The following NAV3 variants were observed in gnomAD, a reference collection of about 807,000 sequenced individuals.
NAV3 encodes the protein pore membrane and/or filament interacting like protein 1.
A neutral mutation model predicts 244.7 loss-of-function variants in NAV3; 87 were observed. The observed-to-expected ratio is 0.36, with a 90% CI of 0.30 to 0.42. NAV3 has a LOEUF of 0.42. NAV3 is among the 20% of genes least tolerant of loss of function. NAV3 has a pLI of 1.00. For missense variants in NAV3, 2,663 were observed against 2,893.3 expected (o/e 0.92, Z 1.83); for synonymous variants, 1,126 against 1,042.2 (o/e 1.08, Z -1.55).
intron 1 of NAV3, 135 bp downstream of exon 1, chr12:77,831,839 G>A: frequency 2.0e-6 from 2 of 976,538 alleles, no homozygotes; most frequent in Non-Finnish European, 2.9e-6. Flanking sequence ...TATAATGGCT[G>A]AAAAGCTGAA....
At chr12:78,154,975 C>A (rs11108504) in intron 22 of NAV3, among the ~76,000 whole-genome samples, 26,840 of 151,908 alleles carry the variant, frequency 0.18, 2,590 homozygotes, top group South Asian at 0.38. Flanking sequence ...CAATGTTAAT[C>A]TGATAAACTA....
intron 5 of NAV3, 90 bp from the exon 6 acceptor site, chr12:77,994,713 C>A: frequency 1.0e-6 from 1 of 983,082 alleles, no homozygotes; most frequent in Non-Finnish European, 1.6e-6. Context: ...AATTGCATTT[C>A]ATTAATTCAT....
chr12:77,936,188 C>A (rs897533882), intron 1 of NAV3, among the ~76,000 whole-genome samples: 2 of 152,082 alleles, frequency 1.3e-5, no homozygotes, highest in Admixed American at 6.5e-5. Flanking sequence ...GCATAATAGG[C>A]CCCAAAATTC....
At chr12:77,840,307 C>G (rs906328177) in intron 1 of NAV3, among the ~76,000 whole-genome samples, 11 of 152,036 alleles carry the variant, frequency 7.2e-5, no homozygotes, top group Non-Finnish European at 1.5e-4. Context: ...TGGACTTACT[C>G]TGTACAGAAT....
At chr12:77,971,599 A>G (rs1404627978) in intron 5 of NAV3, among the ~76,000 whole-genome samples, 1 of 152,182 alleles carries the variant, frequency 6.6e-6, no homozygotes, top group East Asian at 1.9e-4. Flanking sequence ...AACATAATGT[A>G]GTATCTATGG....
At chr12:77,789,707 G>T (rs1031536511) in intron 2 of NAV3, among the ~76,000 whole-genome samples, 2 of 151,634 alleles carry the variant, frequency 1.3e-5, no homozygotes, top group African/African-American at 2.4e-5. Flanking sequence ...CTACTTGGGA[G>T]ACTGAGGCAG....
intron 2 of NAV3, among the ~76,000 whole-genome samples, chr12:77,724,474 T>C (rs1315522292): frequency 6.6e-6 from 1 of 151,974 alleles, no homozygotes; most frequent in African/African-American, 2.4e-5. Context: ...ATTCAGTTTA[T>C]TAAATAATAT....
intron 5 of NAV3, among the ~76,000 whole-genome samples, chr12:77,969,441 T>A (rs191395404): frequency 2.0e-5 from 3 of 152,226 alleles, no homozygotes; most frequent in Non-Finnish European, 4.4e-5. Flanking sequence ...AAGTATGAAA[T>A]CTGAAGGGCA....
At chr12:77,859,758 CAAA>C (rs61516625) in intron 1 of NAV3, among the ~76,000 whole-genome samples, 1,424 of 68,730 alleles carry the variant, frequency 0.021, 19 homozygotes, top group African/African-American at 0.066. Flanking sequence ...CTTTCAAATG[CAAA>C]AAAAAAAAAA....
chr12:78,091,625 T>A (rs1953939579), intron 12 of NAV3: 1 of 150,710 alleles, frequency 6.6e-6, no homozygotes, highest in African/African-American at 2.5e-5. Flanking sequence ...TGAAACCCCG[T>A]CTCTACTAAA....
intron 1 of NAV3, among the ~76,000 whole-genome samples, chr12:77,837,188 G>A (rs1408084269): frequency 6.6e-6 from 1 of 151,128 alleles, no homozygotes; most frequent in Non-Finnish European, 1.5e-5. Flanking sequence ...CAGATATATA[G>A]AGTAAAAACA....
intron 2 of NAV3, among the ~76,000 whole-genome samples, chr12:77,786,789 T>A (rs1172943434): frequency 6.6e-6 from 1 of 152,100 alleles, no homozygotes; most frequent in Non-Finnish European, 1.5e-5. Flanking sequence ...GGAATCTCTC[T>A]TTCCCAGTCC....
At chr12:77,735,474 A>C (rs144888887) in intron 2 of NAV3, among the ~76,000 whole-genome samples, 167 of 152,212 alleles carry the variant, frequency 1.1e-3, no homozygotes, top group African/African-American at 3.8e-3. Flanking sequence ...GATAAGAAGA[A>C]AAAGGTTTTA....
chr12:77,775,698 T>C (rs759771625), intron 2 of NAV3: 2 of 152,232 alleles, frequency 1.3e-5, no homozygotes, highest in South Asian at 2.1e-4. Flanking sequence ...GTGATCACAA[T>C]TGTTCTTCTC....
chr12:78,186,615 G>T (rs1958731728), intron 31 of NAV3, among the ~76,000 whole-genome samples: 2 of 151,836 alleles, frequency 1.3e-5, no homozygotes, highest in Non-Finnish European at 1.5e-5. Flanking sequence ...TTTTAACTGG[G>T]TTATAAACAC....
At chr12:77,973,583 C>T (rs752007712) in intron 5 of NAV3, among the ~76,000 whole-genome samples, 36 of 152,118 alleles carry the variant, frequency 2.4e-4, no homozygotes, top group Non-Finnish European at 1.5e-4. Context: ...GTTCCCGTGA[C>T]CCCTACCACA....
rs1959545615 is a variant in NAV3, at chr12:78,200,581, A to C, written c.6824A>C (p.Glu2275Ala). The C allele has an allele frequency of 6.5e-7, 1 of 1,532,872 alleles. No individual in the cohort carries two copies. Among genetic ancestry groups the C allele is most frequent in the Non-Finnish European group, 8.8e-7 (1 of 1,132,086 alleles). 95.0% of individuals were successfully genotyped at this position (1,532,872 alleles called of 1,614,324 possible). A position where few individuals can be genotyped will look rare whatever the true frequency, so the allele number is the denominator to read the frequency against. ...LVPYILEAVREGLQMYGKRTP... is the reference protein window; with the variant it reads ...LVPYILEAVRAGLQMYGKRTP... Reference sequence around the variant, plus strand: ...CCTTATATTCTGGAGGCAGTGAGAGAGGGTCTTCAGGTATAGTACTCAATT... The same window carrying C: ...CCTTATATTCTGGAGGCAGTGAGAGCGGGTCTTCAGGTATAGTACTCAATT... The change falls in exon 38 of 40, where the codon GAG becomes GCG. Residue 2275 changes from glutamate to alanine, a missense_variant. By Grantham distance (107) the Glu-to-Ala change is moderately radical. This residue lies in a region of NAV3 where 543 missense variants were observed against 672.4 expected (regional missense o/e 0.81). Transcript: ENST00000397909.
intron 11 of NAV3, 84 bp from the exon 12 acceptor site, chr12:78,058,912 T>C (rs894173717): frequency 1.7e-6 from 2 of 1,209,430 alleles, no homozygotes; most frequent in Admixed American, 2.8e-5. Flanking sequence ...TATTGAAAAT[T>C]GTGGACACCG....
At chr12:77,886,925 C>A (rs1883360634) in intron 1 of NAV3, among the ~76,000 whole-genome samples, 1 of 151,998 alleles carries the variant, frequency 6.6e-6, no homozygotes, top group Non-Finnish European at 1.5e-5. Flanking sequence ...AGTGTGGATT[C>A]CAAGCTATAT....
Sources: allele counts gnomAD v4.1 joint callset (sites outside exome capture counted in the v4.1 genomes callset), GRCh38; gene constraint gnomAD v4.1.1; regional missense constraint gnomAD v4.1.1; transcripts MANE v1.5; gene names NCBI Gene and HGNC (gene_info 2026-07-23, HGNC 2026-07-21).